The following CSMD1 variants were observed in gnomAD, a reference collection of about 807,000 sequenced individuals.
CSMD1 encodes the protein CUB and sushi domain-containing protein 1.
CSMD1 carries 213 observed loss-of-function variants against 417.5 expected under a neutral mutation model. The ratio of observed to expected loss-of-function variants is 0.51; its 90% CI spans 0.46 to 0.57. CSMD1 has a LOEUF of 0.57. Among genes scored for constraint, CSMD1 ranks in the 20% least tolerant of loss-of-function variants. CSMD1 has a pLI of 0.00. For synonymous variants in CSMD1, 2,862 were observed against 1,736.8 expected, an observed-to-expected ratio of 1.65 and a Z score of -16.11; for missense variants, 6,923 against 4,529.7, an observed-to-expected ratio of 1.53 and a Z score of -15.17.
At chr8:4,425,817 C>G (rs1211106399) in intron 2 of CSMD1, among the ~76,000 whole-genome samples, 2 of 152,044 alleles carry the variant, frequency 1.3e-5, no homozygotes, top group Admixed American at 1.3e-4. Context: ...ATTTGATGGT[C>G]CAGGGTAGTA....
chr8:4,787,661 G>C, intron 1 of CSMD1: 1 of 1,587,360 alleles, frequency 6.3e-7, no homozygotes, highest in Non-Finnish European at 8.6e-7. Flanking sequence ...TGGTGTCAAG[G>C]AAGGATATAA....
chr8:4,416,006 GATA>G (rs1191449365), intron 3 of CSMD1, among the ~76,000 whole-genome samples: 1 of 152,098 alleles, frequency 6.6e-6, no homozygotes, highest in Non-Finnish European at 1.5e-5. Flanking sequence ...TTCTCTACGT[GATA>G]ATAATAGATC....
chr8:4,415,716 G>C (rs78124617), intron 3 of CSMD1, among the ~76,000 whole-genome samples: 4 of 152,208 alleles, frequency 2.6e-5, no homozygotes, highest in African/African-American at 9.6e-5. Flanking sequence ...AATGAGAGAA[G>C]AAATGAATGA....
intron 3 of CSMD1, among the ~76,000 whole-genome samples, chr8:4,038,487 C>T (rs2130618379): frequency 6.6e-6 from 1 of 152,166 alleles, no homozygotes; most frequent in South Asian, 2.1e-4. Context: ...AATTTGAAAG[C>T]AAATTATTTC....
At chr8:4,289,857 G>T (rs912422887) in intron 3 of CSMD1, among the ~76,000 whole-genome samples, 1 of 152,166 alleles carries the variant, frequency 6.6e-6, no homozygotes, top group Non-Finnish European at 1.5e-5. Flanking sequence ...GATATTCAAA[G>T]TGTATTTGCT....
At chr8:4,863,332 A>C (rs746080032) in intron 1 of CSMD1, among the ~76,000 whole-genome samples, 3 of 152,070 alleles carry the variant, frequency 2.0e-5, no homozygotes, top group Non-Finnish European at 2.9e-5. Context: ...TTGTCATATT[A>C]TCATAAAATC....
At chr8:3,452,462 A>G (rs1264498560) in intron 12 of CSMD1, among the ~76,000 whole-genome samples, 2 of 152,078 alleles carry the variant, frequency 1.3e-5, no homozygotes, top group African/African-American at 2.4e-5. Context: ...TTTGTCATAG[A>G]TAGGTTTTAT....
chr8:3,947,070 G>C (rs1360666046), intron 5 of CSMD1, among the ~76,000 whole-genome samples: 2 of 152,050 alleles, frequency 1.3e-5, no homozygotes, highest in African/African-American at 4.8e-5. Context: ...ATTACATGTT[G>C]AATAGTTGTA....
chr8:4,277,933 G>A (rs904478069), intron 3 of CSMD1, among the ~76,000 whole-genome samples: 11 of 151,822 alleles, frequency 7.2e-5, no homozygotes, highest in Non-Finnish European at 1.5e-4. Flanking sequence ...TATTTTTAGT[G>A]GAGACAGGAT....
At chr8:4,920,891 GAAAAGAAAAGAAAAGAAA>G (rs1806406391) in intron 1 of CSMD1, among the ~76,000 whole-genome samples, 2 of 49,176 alleles carry the variant, frequency 4.1e-5, no homozygotes, top group African/African-American at 1.3e-4. Flanking sequence ...GAAAAGAAAA[GAAAAGAAAAGAAAAGAAA>G]AGAAAAGAAA....
intron 10 of CSMD1, among the ~76,000 whole-genome samples, chr8:3,538,036 T>C (rs1798276034): frequency 1.3e-5 from 2 of 152,350 alleles, no homozygotes; most frequent in Admixed American, 6.5e-5. Context: ...TAAACCCTTT[T>C]ATGCTAGATG....
chr8:3,363,828 G>GT (rs998730273), intron 20 of CSMD1, among the ~76,000 whole-genome samples: 2 of 152,220 alleles, frequency 1.3e-5, no homozygotes, highest in Non-Finnish European at 2.9e-5. Context: ...GAGTGGGAAA[G>GT]TAAGTGTGGA....
At chr8:4,479,791 C>T (rs761549612) in intron 2 of CSMD1, among the ~76,000 whole-genome samples, 6 of 151,688 alleles carry the variant, frequency 4.0e-5, no homozygotes. Flanking sequence ...AGAGAAACCC[C>T]GTTCTCTACT....
intron 1 of CSMD1, among the ~76,000 whole-genome samples, chr8:4,964,494 C>G (rs1219942075): frequency 6.4e-5 from 5 of 78,716 alleles, no homozygotes; most frequent in African/African-American, 2.5e-4. Context: ...ACAGCAAGAC[C>G]CTGTCTCCAA....
At chr8:4,163,721 G>T (rs768699699) in intron 3 of CSMD1, among the ~76,000 whole-genome samples, 4 of 152,120 alleles carry the variant, frequency 2.6e-5, no homozygotes, top group African/African-American at 4.8e-5. Context: ...TGGATGTGAT[G>T]ATCTTGATTA....
chr8:3,555,486 G>A (rs1022045555), intron 10 of CSMD1, among the ~76,000 whole-genome samples: 1 of 152,178 alleles, frequency 6.6e-6, no homozygotes, highest in Non-Finnish European at 1.5e-5. Flanking sequence ...GTGGGATGCT[G>A]ACAGGTTTAA....
intron 2 of CSMD1, among the ~76,000 whole-genome samples, chr8:4,577,667 C>G (rs1213979334): frequency 1.3e-5 from 2 of 152,316 alleles, no homozygotes; most frequent in South Asian, 2.1e-4. Flanking sequence ...AAAGCTTCCC[C>G]TGAATGCTAA....
chr8:3,169,678 T>G (rs1351794003), intron 37 of CSMD1, among the ~76,000 whole-genome samples: 1 of 152,104 alleles, frequency 6.6e-6, no homozygotes, highest in Non-Finnish European at 1.5e-5. Context: ...TTTATCACAA[T>G]AGAAAGGACT....
chr8:3,740,612 G>C (rs76224266), intron 6 of CSMD1, among the ~76,000 whole-genome samples: 1 of 152,138 alleles, frequency 6.6e-6, no homozygotes, highest in East Asian at 1.9e-4. Flanking sequence ...CTGAGGTAGT[G>C]TGATTTGATG....
Sources: allele counts gnomAD v4.1 joint callset (sites outside exome capture counted in the v4.1 genomes callset), GRCh38; gene constraint gnomAD v4.1.1; transcripts MANE v1.5; gene names NCBI Gene and HGNC (gene_info 2026-07-23, HGNC 2026-07-21).